CDKL5: variants seen among roughly 807,000 people sequenced by gnomAD.
The protein encoded by CDKL5 is cyclin dependent kinase like 5.
CDKL5 carries 8 observed loss-of-function variants against 61.7 expected under a neutral mutation model. That is an observed-to-expected ratio of 0.13 (90% confidence interval 0.08 to 0.23). The LOEUF is 0.23. Ranked by LOEUF, CDKL5 falls within the 10% of genes least tolerant of loss-of-function variation. The pLI is 1.00. For synonymous variants in CDKL5, 275 were observed against 272.3 expected (o/e 1.01, Z -0.10); for missense variants, 440 against 734.5 (o/e 0.60, Z 4.63).
At chrX:18,541,037 CT>C (rs1924004858) in intron 3 of CDKL5, among the ~76,000 whole-genome samples, 1 of 111,941 alleles carries the variant, frequency 8.9e-6, no homozygotes, top group African/African-American at 3.2e-5. Context: ...CTTTTAGCCT[CT>C]GTGGTTACTG....
chrX:18,650,488 C>T, exon 21 of CDKL5: 1 of 1,212,056 alleles, frequency 8.3e-7, no homozygotes, highest in Non-Finnish European at 1.1e-6. Context: ...CGTCCAATCT[C>T]CAGTCCTGCT....
At chrX:18,621,647 A>G (rs1002232208) in intron 16 of CDKL5, among the ~76,000 whole-genome samples, 1 of 111,441 alleles carries the variant, frequency 9.0e-6, no homozygotes, top group Non-Finnish European at 1.9e-5. Flanking sequence ...CTACATGCAC[A>G]GAATATGTAT....
At chrX:18,447,835 T>C (rs1346801080) in intron 1 of CDKL5, among the ~76,000 whole-genome samples, 1 of 111,460 alleles carries the variant, frequency 9.0e-6, no homozygotes, top group Non-Finnish European at 1.9e-5. Context: ...TTTCTAAATT[T>C]CTAAATTCTT....
At chrX:18,470,378 GAA>G (rs1156261679) in intron 1 of CDKL5, among the ~76,000 whole-genome samples, 3 of 48,433 alleles carry the variant, frequency 6.2e-5, no homozygotes, top group Non-Finnish European at 1.2e-4. Flanking sequence ...AAGAAGAAAA[GAA>G]AAAAAAAAAA....
intron 16 of CDKL5, among the ~76,000 whole-genome samples, chrX:18,620,270 A>T (rs1926851124): frequency 8.9e-6 from 1 of 112,364 alleles, no homozygotes; most frequent in South Asian, 3.7e-4. Flanking sequence ...TTGAAGACAC[A>T]GGATTTGTTT....
chrX:18,440,376 C>G (rs1011709523), intron 1 of CDKL5, among the ~76,000 whole-genome samples: 2 of 112,141 alleles, frequency 1.8e-5, no homozygotes, highest in African/African-American at 6.5e-5. Context: ...GAGATCACAG[C>G]AATTCAGTCA....
downstream of CDKL5, among the ~76,000 whole-genome samples, chrX:18,644,824 C>T (rs979182527): frequency 8.9e-6 from 1 of 112,563 alleles, no homozygotes; most frequent in Non-Finnish European, 1.9e-5. Context: ...TTCTCCCTCT[C>T]CCTGCATCTC....
At chrX:18,432,272 G>GTTTTTA (rs1931512652) in intron 1 of CDKL5, among the ~76,000 whole-genome samples, 2 of 108,141 alleles carry the variant, frequency 1.8e-5, no homozygotes, top group African/African-American at 6.7e-5. Context: ...TAATTTTTGT[G>GTTTTTA]TTTTTAATAG....
chrX:18,535,956 C>T (rs1254166419), intron 3 of CDKL5: 2 of 112,030 alleles, frequency 1.8e-5, no homozygotes, highest in African/African-American at 6.5e-5. Flanking sequence ...CTTCTAGTTA[C>T]AGTGCATAGC....
intron 3 of CDKL5, among the ~76,000 whole-genome samples, chrX:18,540,967 G>A (rs188648157): frequency 8.9e-6 from 1 of 112,111 alleles, no homozygotes; most frequent in African/African-American, 3.2e-5. Context: ...GATTACAGGC[G>A]TGAGCTACCA....
chrX:18,540,547 C>A (rs189011826), intron 3 of CDKL5, among the ~76,000 whole-genome samples: 4 of 111,897 alleles, frequency 3.6e-5, no homozygotes, highest in Admixed American at 2.8e-4. Context: ...CTAGCTACTT[C>A]TCTTTGTTTT....
At chrX:18,650,313 G>T in intron 20 of CDKL5, 3 of 786,369 alleles carry the variant, frequency 3.8e-6, no homozygotes, top group Admixed American at 4.5e-5. Flanking sequence ...GGAAGGTGAC[G>T]CTCTCACTGT....
chrX:18,460,135 G>A lies in CDKL5; in HGVS notation c.-163+34440G>A, dbSNP rs1398965358. Reference sequence around the variant, plus strand: ...AGGATGGTCTCGATCTCTTGACCTCGTGATCCGCCCGCCTCGGCCTTCCAA... The same window carrying A: ...AGGATGGTCTCGATCTCTTGACCTCATGATCCGCCCGCCTCGGCCTTCCAA... On this transcript the variant is annotated intron_variant, in intron 1 of 17. Coordinates refer to ENST00000623535, the MANE Select transcript of CDKL5 (RefSeq NM_001323289.2). 1.2e-4 allele frequency among the ~76,000 whole-genome samples: 13 copies of A among 111,004 alleles called. No homozygotes were observed. The Admixed American group carries it at 1.3e-3, about 11-fold the overall frequency.
intron 3 of CDKL5, among the ~76,000 whole-genome samples, chrX:18,540,698 T>C (rs1827433673): frequency 9.3e-6 from 1 of 108,021 alleles, no homozygotes; most frequent in Admixed American, 1.0e-4. Context: ...CCTTCCCTTC[T>C]TTTTTTTTGA....
intron 8 of CDKL5, chrX:18,587,595 C>T: frequency 5.0e-6 from 1 of 198,273 alleles, no homozygotes; most frequent in Non-Finnish European, 9.3e-6. Context: ...AATTATTTGT[C>T]TTAGAAAATA....
intron 2 of CDKL5, among the ~76,000 whole-genome samples, chrX:18,509,205 A>G (rs367840744): frequency 2.3e-3 from 200 of 88,840 alleles, no homozygotes; most frequent in East Asian, 0.013. Flanking sequence ...ACGCACACAC[A>G]CACACACACA....
intron 5 of CDKL5, 51 bp from the exon 6 acceptor site, chrX:18,579,797 A>G: frequency 2.6e-6 from 3 of 1,138,583 alleles, no homozygotes; most frequent in Non-Finnish European, 3.6e-6. Flanking sequence ...GTTAATACAT[A>G]ATTTACGGGC....
Position 18,475,072 on chromosome X carries a change from C to A in CDKL5, c.-162-31863C>A, listed in dbSNP as rs946898492. Among the ~76,000 whole-genome samples, 11 of 108,149 alleles carry A rather than the reference C, an allele frequency of 1.0e-4. No individual in the cohort carries two copies. The Admixed American group carries it at 1.1e-3, about 11-fold the overall frequency. The allele number at this position is 108,149 out of a possible 115,157, so 93.9% of individuals were successfully genotyped here. ...CCTGGGTTCAAGCAATTCTCTCCTG[C>A]CTCAGCCTCCTGAGTAGCTAGGATT... On this transcript the variant is annotated intron_variant, in intron 1 of 17. Transcript: ENST00000623535.
At chrX:18,652,082 A>G (rs1233501862) in intron 21 of CDKL5, among the ~76,000 whole-genome samples, 1 of 110,558 alleles carries the variant, frequency 9.0e-6, no homozygotes, top group African/African-American at 3.3e-5. Context: ...CTTCACTGCC[A>G]TCTCCCCTCG....
Sources: allele counts gnomAD v4.1 joint callset (sites outside exome capture counted in the v4.1 genomes callset), GRCh38; gene constraint gnomAD v4.1.1; transcripts MANE v1.5; gene names NCBI Gene and HGNC (gene_info 2026-07-23, HGNC 2026-07-21).